The following VWCE variants were observed in gnomAD, a reference collection of about 807,000 sequenced individuals.
VWCE encodes von Willebrand factor C and EGF domains.
VWCE carries 68 observed loss-of-function variants against 102.9 expected under a neutral mutation model. That is an observed-to-expected ratio of 0.66 (90% CI 0.54 to 0.81). The LOEUF is 0.81. Among genes scored for constraint, VWCE ranks in the 30% least tolerant of loss-of-function variants. The pLI is 0.00. For synonymous variants in VWCE, 497 were observed against 515.4 expected (o/e 0.96, Z 0.48); for missense variants, 1,137 against 1,263.6 (o/e 0.90, Z 1.52).
chr11:61,265,864 G>A (rs1854497247), intron 16 of VWCE, among the ~76,000 whole-genome samples: 1 of 151,868 alleles, frequency 6.6e-6, no homozygotes, highest in African/African-American at 2.4e-5. Context: ...TGGCCAACAT[G>A]GCAAAACTCC....
At chr11:61,267,115 A>G (rs1311932496) in intron 16 of VWCE, among the ~76,000 whole-genome samples, 1 of 152,058 alleles carries the variant, frequency 6.6e-6, no homozygotes, top group East Asian at 1.9e-4. Flanking sequence ...AAAATTAGCC[A>G]GGCGTGGTGG....
chr11:61,268,892 T>C (rs1222609514), intron 15 of VWCE, 30 bp downstream of exon 15: 1 of 1,607,780 alleles, frequency 6.2e-7, no homozygotes, highest in Non-Finnish European at 8.5e-7. Context: ...TGCCCTGCCC[T>C]GGGGGCTTGG....
At chr11:61,278,781 C>A (rs1010417667) in intron 9 of VWCE, among the ~76,000 whole-genome samples, 1 of 152,182 alleles carries the variant, frequency 6.6e-6, no homozygotes, top group African/African-American at 2.4e-5. Flanking sequence ...TGGCTCACAC[C>A]TGTAACCCCA....
chr11:61,294,897 G>T lies in VWCE; in HGVS notation c.110+31C>A, dbSNP rs1047214498. On this transcript the variant is annotated intron_variant, in intron 1 of 19. Transcript: ENST00000335613. The surrounding 1 kb of genome is among the most constrained non-coding windows in gnomAD (Gnocchi z 6.3). ...GCACGCCGGTAGCGCTCTCCCGGGC[G>T]GGGGAGCGGGGAGGAGCTCCGGGCG... 5.7e-5 allele frequency: 77 copies of T among 1,347,864 alleles called. 1 individual carries two copies. The East Asian group carries it at 2.2e-3, about 38-fold the overall frequency. 83.5% of individuals were successfully genotyped at this position (1,347,864 alleles called of 1,614,324 possible).
chr11:61,287,486 T>C (rs903138734), intron 4 of VWCE, among the ~76,000 whole-genome samples: 5 of 152,206 alleles, frequency 3.3e-5, no homozygotes, highest in African/African-American at 1.2e-4. Context: ...TAAAGGTTCA[T>C]AGAGCACCAA....
At chr11:61,292,497 A>C (rs771999076) in intron 1 of VWCE, among the ~76,000 whole-genome samples, 1 of 152,178 alleles carries the variant, frequency 6.6e-6, no homozygotes, top group Non-Finnish European at 1.5e-5. Flanking sequence ...GTAGGTGCTC[A>C]ATAAATGGCT....
chr11:61,286,419 A>G lies in VWCE; in HGVS notation c.436T>C (p.Cys146Arg). The change falls in exon 5 of 20, where the codon TGT becomes CGT. Residue 146 changes from cysteine (C) to arginine (R), a missense_variant. This residue lies in a region of VWCE where 575 missense variants were observed against 625.9 expected (regional missense o/e 0.92). Coordinates refer to ENST00000335613, the MANE Select transcript of VWCE (RefSeq NM_152718.2). ...TGGCCCTCGCAGGAGGAGGTTACACATTCGTCAATGTCTGGAAAGACAGAA... is the reference window on the plus strand; with the variant it reads ...TGGCCCTCGCAGGAGGAGGTTACACGTTCGTCAATGTCTGGAAAGACAGAA... ...VGIRCTDIDE[C>R]VTSSCEGHCV... 6.2e-7 allele frequency: 1 copy of G among 1,612,180 alleles called. No homozygotes were observed. The highest frequency in any genetic ancestry group is 2.2e-5 in the East Asian group (1 of 44,878).
intron 9 of VWCE, among the ~76,000 whole-genome samples, chr11:61,280,348 G>A (rs1001548676): frequency 6.6e-6 from 1 of 152,088 alleles, no homozygotes; most frequent in Non-Finnish European, 1.5e-5. Context: ...TCCCCCTTGA[G>A]GCATATTACA....
Position 61,280,105 on chromosome 11 carries a change from A to G in VWCE, c.1324+519T>C, listed in dbSNP as rs544772473. 1.4e-4 allele frequency among the ~76,000 whole-genome samples: 21 copies of G among 152,288 alleles called. 1 individual carries two copies. The East Asian group carries it at 3.7e-3, about 27-fold the overall frequency. ...GAGAAGCTCTGTTAAGGATCTGTGA[A>G]GAATTTGGGTCCCTATCCTTCCAGC... is the stretch of plus-strand genomic sequence containing the variant. On this transcript the variant is annotated intron_variant, in intron 9 of 19. Coordinates refer to ENST00000335613, the MANE Select transcript of VWCE (RefSeq NM_152718.2).
At chr11:61,275,910 G>A (rs1854888699) in intron 11 of VWCE, among the ~76,000 whole-genome samples, 1 of 152,228 alleles carries the variant, frequency 6.6e-6, no homozygotes, top group Admixed American at 6.5e-5. Context: ...AGCTGAAGGT[G>A]CCTCCTAAGG....
chr11:61,264,727 G>C (rs1052840319), intron 18 of VWCE, 150 bp from the exon 19 acceptor site: 5 of 972,572 alleles, frequency 5.1e-6, no homozygotes, highest in Non-Finnish European at 7.6e-6. Flanking sequence ...CTGGAGAACA[G>C]GTAAAGCCAG....
intron 19 of VWCE, among the ~76,000 whole-genome samples, chr11:61,262,553 C>T (rs1854391402): frequency 6.6e-6 from 1 of 152,092 alleles, no homozygotes. Flanking sequence ...GACTAATATC[C>T]ACTAGCATGC....
At chr11:61,260,180 A>G (rs909210831) in intron 19 of VWCE, among the ~76,000 whole-genome samples, 1 of 152,174 alleles carries the variant, frequency 6.6e-6, no homozygotes, top group Non-Finnish European at 1.5e-5. Context: ...ACTTGAACCC[A>G]GGTGGCAGAG....
At chr11:61,276,453 C>T (rs1343850329) in intron 11 of VWCE, 140 bp downstream of exon 11, 2 of 555,396 alleles carry the variant, frequency 3.6e-6, no homozygotes, top group Non-Finnish European at 5.6e-6. Context: ...CTTGGGGGCT[C>T]ATGCCTGTCA....
intron 19 of VWCE, 149 bp from the exon 20 acceptor site, chr11:61,259,461 G>A: frequency 9.5e-7 from 1 of 1,057,242 alleles, no homozygotes; most frequent in Non-Finnish European, 1.3e-6. Context: ...CTGCCTCCAG[G>A]AAGGGAAGAC....
chr11:61,287,831 C>A (rs1855381758), intron 4 of VWCE, among the ~76,000 whole-genome samples: 1 of 152,078 alleles, frequency 6.6e-6, no homozygotes, highest in South Asian at 2.1e-4. Flanking sequence ...CCTTTTGAGG[C>A]AGCAGGAGAC....
intron 11 of VWCE, 113 bp from the exon 12 acceptor site, chr11:61,274,697 TC>T: frequency 1.3e-6 from 1 of 781,592 alleles, no homozygotes; most frequent in Non-Finnish European, 2.1e-6. Context: ...CCCACAACAC[TC>T]CACAGCATGC....
rs762092425 is a variant in VWCE at position 61,269,035 on chromosome 11, C to T, written c.1786-17G>A. The T allele has an allele frequency of 1.2e-6, 2 of 1,613,016 alleles. No homozygotes were observed. The highest frequency in any genetic ancestry group is 2.2e-5 in the South Asian group (2 of 90,988). ...GCCATCTGCCTGGAGGAAGGAGGAA[C>T]TTCACCAAGACCCCACCGGTGACAC... On this transcript the variant is annotated splice_polypyrimidine_tract_variant and intron_variant, in intron 14 of 19. Transcript: ENST00000335613.
intron 1 of VWCE, among the ~76,000 whole-genome samples, chr11:61,292,817 G>T (rs546376654): frequency 1.3e-5 from 2 of 152,284 alleles, no homozygotes; most frequent in African/African-American, 4.8e-5. Context: ...AGGGTCAGGG[G>T]GGGTTCCTGG....
Sources: gnomAD v4.1 joint callset for allele counts (sites outside exome capture counted in the v4.1 genomes callset) on GRCh38, gnomAD v4.1.1 for gene constraint, gnomAD v4.1.1 regional missense constraint, Gnocchi (gnomAD v3.1) non-coding constraint, MANE v1.5 for transcripts, NCBI Gene and HGNC (gene_info 2026-07-23, HGNC 2026-07-21) for gene names.